The following ZNF675 variants were observed in gnomAD, a reference collection of about 807,000 sequenced individuals.
ZNF675 encodes the protein zinc finger protein 675.
In ZNF675, 36 loss-of-function variants were observed where a neutral mutation model predicts 56.1. The observed-to-expected ratio is 0.64, with a 90% CI of 0.49 to 0.85. The LOEUF (loss-of-function observed/expected upper bound fraction) is 0.85. Among genes scored for constraint, ZNF675 ranks in the 40% least tolerant of loss-of-function variants. The probability of loss-of-function intolerance (pLI) is 0.00; values close to 1 mark genes in which losing one functional copy is unlikely to be tolerated. For synonymous variants in ZNF675, 200 were observed against 218.9 expected, an observed-to-expected ratio of 0.91 and a Z score of 0.76; for missense variants, 663 against 654.2, an observed-to-expected ratio of 1.01 and a Z score of -0.15.
At chr19:23,661,470 G>A (rs1261448776) in intron 3 of ZNF675, among the ~76,000 whole-genome samples, 3 of 151,528 alleles carry the variant, frequency 2.0e-5, no homozygotes, top group Non-Finnish European at 4.4e-5. Context: ...GTAAGCAAAT[G>A]ACCTGAGGGC....
intron 2 of ZNF675, 23 bp downstream of exon 2, chr19:23,663,009 C>T: frequency 7.8e-6 from 12 of 1,541,720 alleles, no homozygotes; most frequent in Admixed American, 2.2e-5. Flanking sequence ...AAAAAAGAAA[C>T]TGTGTGTTTA....
Position 23,663,167 on chromosome 19 carries a change from C to T in ZNF675, c.4-9G>A. On this transcript the variant is annotated splice_polypyrimidine_tract_variant and intron_variant, in intron 1 of 3. Coordinates refer to ENST00000359788, the MANE Select transcript of ZNF675 (RefSeq NM_138330.3). ...CTAAATGTCAACAGTCCCTGAAAAACACATACACACAAACATATTCACCAG... is the reference window on the plus strand; with the variant it reads ...CTAAATGTCAACAGTCCCTGAAAAATACATACACACAAACATATTCACCAG... 6.3e-7 allele frequency: 1 copy of T among 1,597,584 alleles called. No individual in the cohort carries two copies. Among genetic ancestry groups the T allele is most frequent in the Middle Eastern group, 1.7e-4 (1 of 6,020 alleles).
intron 1 of ZNF675, among the ~76,000 whole-genome samples, chr19:23,675,859 T>G (rs1968287854): frequency 6.6e-6 from 1 of 150,960 alleles, no homozygotes; most frequent in Non-Finnish European, 1.5e-5. Context: ...ATATCTGAAC[T>G]GAAGAATATT....
chr19:23,684,744 A>G (rs912470014), intron 1 of ZNF675, among the ~76,000 whole-genome samples: 35 of 152,282 alleles, frequency 2.3e-4, no homozygotes, highest in African/African-American at 8.4e-4. Context: ...TAAGTGCTCA[A>G]TGACCACCCT....
At chr19:23,682,237 G>C (rs923229337) in intron 1 of ZNF675, among the ~76,000 whole-genome samples, 1 of 151,696 alleles carries the variant, frequency 6.6e-6, no homozygotes, top group Admixed American at 6.6e-5. Flanking sequence ...TAACTTCAGG[G>C]TAAAACATTT....
In ZNF675 at chr19:23,654,443, T is replaced by G; in HGVS notation, c.490A>C (p.Ile164Leu). ...AAAGGTTTATTTTCCATATGTTTTA[T>G]CTTATGTCTATCTGAATGTGAAAAT... is the stretch of plus-strand genomic sequence containing the variant. ...NKFSHSDRHK[I>L]KHMENKPFKC... is the part of the protein sequence containing the mutation. The change falls in exon 4 of 4, where the codon ATA becomes CTA. Residue 164 changes from isoleucine to leucine, a missense_variant. Around this residue, in one of 3 missense-constraint regions of ZNF675, gnomAD observed 617 missense variants for 590.5 expected, o/e 1.04. Coordinates refer to ENST00000359788, the MANE Select transcript of ZNF675 (RefSeq NM_138330.3). The G allele has an allele frequency of 6.2e-7, 1 of 1,606,256 alleles. No homozygotes were observed. Among genetic ancestry groups the G allele is most frequent in the Non-Finnish European group, 8.5e-7 (1 of 1,177,126 alleles).
At chr19:23,677,847 C>T (rs555236287) in intron 1 of ZNF675, among the ~76,000 whole-genome samples, 49 of 151,590 alleles carry the variant, frequency 3.2e-4, no homozygotes, top group Admixed American at 5.9e-4. Flanking sequence ...TGGCCGGCTA[C>T]AGTGGCTCAC....
At chr19:23,680,908 T>C (rs1187775183) in intron 1 of ZNF675, among the ~76,000 whole-genome samples, 1 of 151,944 alleles carries the variant, frequency 6.6e-6, no homozygotes, top group South Asian at 2.1e-4. Context: ...CCATGCTTAG[T>C]ACCTCAGTGA....
Position 23,653,190 on chromosome 19 carries a change from T to C in ZNF675, c.*36A>G. 1 of 1,526,418 alleles carries C rather than the reference T, an allele frequency of 6.6e-7. No individual in the cohort carries two copies. The highest frequency in any genetic ancestry group is 2.3e-5 in the East Asian group (1 of 44,240). 94.6% of individuals were successfully genotyped at this position (1,526,418 alleles called of 1,614,324 possible). A position where few individuals can be genotyped will look rare whatever the true frequency, so the allele number is the denominator to read the frequency against. On this transcript the variant is annotated 3_prime_UTR_variant, in exon 4 of 4. Transcript: ENST00000359788. ...TTTTTCACCAGTATGATTTCCTTTA[T>C]ATTTAGAAAAATTTGAGGTGTTGTC...
chr19:23,687,017 C>T lies in ZNF675; in HGVS notation c.3+14G>A, dbSNP rs375306950. On this transcript the variant is annotated intron_variant, in intron 1 of 3. Coordinates refer to ENST00000359788, the MANE Select transcript of ZNF675 (RefSeq NM_138330.3). Reference sequence around the variant, plus strand: ...CCCTTCCCCCTCTCGGGATGTCGCACCCGTAACTCTCACCATTTCTAGGCT... The same window carrying T: ...CCCTTCCCCCTCTCGGGATGTCGCATCCGTAACTCTCACCATTTCTAGGCT... 4.3e-6 allele frequency: 7 copies of T among 1,613,660 alleles called. No individual in the cohort carries two copies. The African/African-American group carries it at 9.3e-5, about 22-fold the overall frequency.
At position 23,654,465 on chromosome 19, in the gene ZNF675, A is replaced by C. The variant is rs111691856; in HGVS notation, c.468T>G (p.Phe156Leu). 22 of 1,601,360 alleles carry C rather than the reference A, an allele frequency of 1.4e-5. No individual in the cohort carries two copies. Among genetic ancestry groups the C allele is most frequent in the Admixed American group, 5.3e-5 (3 of 56,510 alleles). Residue 156 changes from phenylalanine to leucine, a missense_variant, in exon 4 of 4, where the codon TTT becomes TTG. Coordinates refer to ENST00000359788, the MANE Select transcript of ZNF675 (RefSeq NM_138330.3). Reference sequence around the variant, plus strand: ...TTATCTTATGTCTATCTGAATGTGAAAATTTATTAAAGACTTTCACATATT... The same window carrying C: ...TTATCTTATGTCTATCTGAATGTGACAATTTATTAAAGACTTTCACATATT... ...CDKYVKVFNK[F>L]SHSDRHKIKH... is the part of the protein sequence containing the mutation.
rs1968455448 is a variant in ZNF675, at chr19:23,687,169, G to C, written c.-136C>G. On this transcript the variant is annotated 5_prime_UTR_variant, in exon 1 of 4. Transcript: ENST00000359788. ...AGCGAGACCTGGAGCTCCGGCTGCA[G>C]CGAGAGACAAAGGCGCCGCCAAATC... 9.0e-7 allele frequency: 1 copy of C among 1,115,728 alleles called. No homozygotes were observed. Among genetic ancestry groups the C allele is most frequent in the African/African-American group, 1.6e-5 (1 of 63,606 alleles). The allele number at this position is 1,115,728 out of a possible 1,614,324, so 69.1% of individuals were successfully genotyped here.
intron 3 of ZNF675, among the ~76,000 whole-genome samples, chr19:23,657,324 T>C (rs567259847): frequency 5.3e-5 from 8 of 152,206 alleles, no homozygotes; most frequent in Admixed American, 4.6e-4. Flanking sequence ...ATGGAAAAAA[T>C]ACAGAATTAT....
At chr19:23,674,045 A>C (rs1968259501) in intron 1 of ZNF675, among the ~76,000 whole-genome samples, 2 of 150,820 alleles carry the variant, frequency 1.3e-5, no homozygotes, top group South Asian at 4.2e-4. Flanking sequence ...TCTACTAAAA[A>C]TACAAAAATC....
chr19:23,653,615 T>TA lies in ZNF675; in HGVS notation c.1317dup (p.Thr440TyrfsTer2). ...CCAGTATGAAGTTTCTTATGTTCAGTAAGTTTTGAGGATCGGTTAAAAGCT... is the reference window on the plus strand; with the variant it reads ...CCAGTATGAAGTTTCTTATGTTCAGTAAAGTTTTGAGGATCGGTTAAAAGCT... On this transcript the variant is annotated frameshift_variant, in exon 4 of 4. Coordinates refer to ENST00000359788, the MANE Select transcript of ZNF675 (RefSeq NM_138330.3). LOFTEE classifies it high-confidence loss of function. 6.2e-7 allele frequency: 1 copy of TA among 1,612,974 alleles called. No homozygotes were observed. Among genetic ancestry groups the TA allele is most frequent in the South Asian group, 1.1e-5 (1 of 90,960 alleles).
rs1157572062 is a variant in ZNF675, at chr19:23,653,626, G to A, written c.1307C>T (p.Ser436Phe). The change falls in exon 4 of 4, where the codon TCC becomes TTC. Residue 436 changes from serine to phenylalanine, a missense_variant. Ser to Phe is a radical substitution (Grantham distance 155, BLOSUM62 -2). This residue lies in a region of ZNF675 where 617 missense variants were observed against 590.5 expected (regional missense o/e 1.04). Coordinates refer to ENST00000359788, the MANE Select transcript of ZNF675 (RefSeq NM_138330.3). Reference protein sequence around the residue: ...CEECGKAFNRSSKLTEHKKLH... With the variant: ...CEECGKAFNRFSKLTEHKKLH... ...TTTCTTATGTTCAGTAAGTTTTGAG[G>A]ATCGGTTAAAAGCTTTGCCACATTC... is the stretch of plus-strand genomic sequence containing the variant. 1 of 1,612,772 alleles carries A rather than the reference G, an allele frequency of 6.2e-7. No homozygotes were observed. Among genetic ancestry groups the A allele is most frequent in the East Asian group, 2.2e-5 (1 of 44,826 alleles).
At chr19:23,674,205 C>CAAATA (rs1038218877) in intron 1 of ZNF675, among the ~76,000 whole-genome samples, 1 of 151,264 alleles carries the variant, frequency 6.6e-6, no homozygotes, top group African/African-American at 2.4e-5. Flanking sequence ...CTCTATCTCA[C>CAAATA]AAATAAAATA....
intron 1 of ZNF675, among the ~76,000 whole-genome samples, chr19:23,667,993 C>T (rs1343076517): frequency 6.7e-6 from 1 of 149,074 alleles, no homozygotes; most frequent in Non-Finnish European, 1.5e-5. Context: ...CACAGAGTGT[C>T]GACTGGTGCA....
chr19:23,683,582 C>T (rs750840720), intron 1 of ZNF675, among the ~76,000 whole-genome samples: 66 of 151,938 alleles, frequency 4.3e-4, no homozygotes, highest in Admixed American at 1.6e-3. Flanking sequence ...CCACCATGCC[C>T]GGCTGATTTT....
Sources: gnomAD v4.1 joint callset for allele counts (sites outside exome capture counted in the v4.1 genomes callset) on GRCh38, gnomAD v4.1.1 for gene constraint, gnomAD v4.1.1 regional missense constraint, MANE v1.5 for transcripts, NCBI Gene and HGNC (gene_info 2026-07-23, HGNC 2026-07-21) for gene names.